The following TRAM2 variants were observed in gnomAD, a reference collection of about 807,000 sequenced individuals.
TRAM2 encodes the protein translocation associated membrane protein 2, also known as translocating chain-associated membrane protein 2.
TRAM2 carries 12 observed loss-of-function variants against 51.0 expected under a neutral mutation model. The ratio of observed to expected loss-of-function variants is 0.24; its 90% CI spans 0.15 to 0.38. TRAM2 has a LOEUF of 0.38. Among genes scored for constraint, TRAM2 ranks in the 10% least tolerant of loss-of-function variants. The pLI is 1.00. For missense variants in TRAM2, 361 were observed against 462.0 expected, an observed-to-expected ratio of 0.78 and a Z score of 2.00; for synonymous variants, 175 against 179.4, an observed-to-expected ratio of 0.98 and a Z score of 0.20.
At chr6:52,506,714 C>T (rs769588371) in intron 7 of TRAM2, among the ~76,000 whole-genome samples, 1 of 152,178 alleles carries the variant, frequency 6.6e-6, no homozygotes, top group Non-Finnish European at 1.5e-5. Context: ...TGGCATCACC[C>T]CACAGCCTTC....
intron 10 of TRAM2, among the ~76,000 whole-genome samples, 195 bp downstream of exon 10, chr6:52,504,396 A>C (rs1581866255): frequency 6.6e-6 from 1 of 152,118 alleles, no homozygotes; most frequent in East Asian, 1.9e-4. Context: ...CCCCACCCAC[A>C]GCCTGTCCCT....
At chr6:52,524,021 ATATT>A (rs1231707290) in intron 2 of TRAM2, 3 of 152,262 alleles carry the variant, frequency 2.0e-5, no homozygotes, top group Non-Finnish European at 4.4e-5. Flanking sequence ...AATTTAAAAA[ATATT>A]TATGTAAGCA....
At chr6:52,545,347 G>T (rs1233619040) in intron 1 of TRAM2, among the ~76,000 whole-genome samples, 1 of 152,212 alleles carries the variant, frequency 6.6e-6, no homozygotes, top group African/African-American at 2.4e-5. Flanking sequence ...CCCACCCGAG[G>T]CCCATTAAGT....
At chr6:52,507,149 C>T (rs926232305) in intron 7 of TRAM2, among the ~76,000 whole-genome samples, 4 of 152,198 alleles carry the variant, frequency 2.6e-5, no homozygotes, top group South Asian at 2.1e-4. Context: ...TCCAGGGCTA[C>T]GAGCTCTAGC....
At chr6:52,527,482 T>G (rs1299982135) in intron 2 of TRAM2, among the ~76,000 whole-genome samples, 2 of 25,554 alleles carry the variant, frequency 7.8e-5, no homozygotes, top group Non-Finnish European at 1.5e-4. Context: ...AGTAAAGATG[T>G]GGGGTGGGGT....
In TRAM2 at chr6:52,504,645, G is replaced by T. The variant is rs1304952977; in HGVS notation, c.985C>A (p.Arg329=). 1 of 1,613,808 alleles carries T rather than the reference G, an allele frequency of 6.2e-7. No individual in the cohort carries two copies. Among genetic ancestry groups the T allele is most frequent in the African/African-American group, 1.3e-5 (1 of 74,930 alleles). Residue 329 remains arginine (R), a synonymous_variant, in exon 10 of 11, where the codon CGG becomes AGG. Transcript: ENST00000182527. ...REYWNEQSAK[R]RVPATPRLPA... ...AGTCTGGGTGTGGCTGGGACTCTCC[G>T]CTTTGCACTCTGCTCATTCCAGTAT...
At chr6:52,503,999 G>A (rs577544794) in intron 10 of TRAM2, among the ~76,000 whole-genome samples, 4 of 152,294 alleles carry the variant, frequency 2.6e-5, no homozygotes, top group Non-Finnish European at 5.9e-5. Context: ...AGCGCCCAGT[G>A]CAGACAGGCC....
At chr6:52,504,082 G>A (rs765135108) in intron 10 of TRAM2, among the ~76,000 whole-genome samples, 71 of 152,310 alleles carry the variant, frequency 4.7e-4, no homozygotes, top group Non-Finnish European at 7.2e-4. Flanking sequence ...ACTGGAGTGC[G>A]TGCACGGGCC....
Position 52,509,803 on chromosome 6 carries a change from C to T in TRAM2, c.412-217G>A, listed in dbSNP as rs114458182. Among the ~76,000 whole-genome samples, 224 of 152,270 alleles carry T rather than the reference C, an allele frequency of 1.5e-3. 1 individual carries two copies. The highest frequency in any genetic ancestry group is 5.2e-3 in the African/African-American group (214 of 41,544). On this transcript the variant is annotated intron_variant, in intron 4 of 10. Transcript: ENST00000182527. ...AGTCATGCTGGAGTAGGAAGGGCCA[C>T]GCTCTGAGGTCCAACGACCCATATC...
intron 1 of TRAM2, among the ~76,000 whole-genome samples, chr6:52,537,858 C>A (rs1210310937): frequency 6.6e-6 from 1 of 152,140 alleles, no homozygotes; most frequent in Non-Finnish European, 1.5e-5. Flanking sequence ...TGTACTTATT[C>A]CCCCTCTGTC....
chr6:52,541,236 C>T (rs1767075685), intron 1 of TRAM2, among the ~76,000 whole-genome samples: 1 of 152,192 alleles, frequency 6.6e-6, no homozygotes, highest in South Asian at 2.1e-4. Context: ...TTAATAACGA[C>T]AACAACAGTT....
intron 1 of TRAM2, among the ~76,000 whole-genome samples, chr6:52,554,061 C>T (rs1581698215): frequency 6.6e-6 from 1 of 152,154 alleles, no homozygotes; most frequent in East Asian, 1.9e-4. Flanking sequence ...CGCCCCAGCA[C>T]ACCATCTGCC....
At chr6:52,548,711 G>A (rs961444280) in intron 1 of TRAM2, among the ~76,000 whole-genome samples, 1 of 152,238 alleles carries the variant, frequency 6.6e-6, no homozygotes, top group African/African-American at 2.4e-5. Flanking sequence ...CTACCTGAAC[G>A]ATGTGCCTAA....
intron 5 of TRAM2, among the ~76,000 whole-genome samples, chr6:52,509,152 A>G (rs1766403655): frequency 6.6e-6 from 1 of 152,220 alleles, no homozygotes; most frequent in South Asian, 2.1e-4. Flanking sequence ...TATGAGGCAG[A>G]GGACACTGGC....
chr6:52,506,497 G>A (rs553147847), intron 7 of TRAM2, among the ~76,000 whole-genome samples: 17 of 152,178 alleles, frequency 1.1e-4, no homozygotes, highest in Non-Finnish European at 1.0e-4. Context: ...TCTGAGTATA[G>A]GAATATGAAA....
At chr6:52,551,607 C>A (rs1412748641) in intron 1 of TRAM2, among the ~76,000 whole-genome samples, 3 of 152,234 alleles carry the variant, frequency 2.0e-5, no homozygotes, top group African/African-American at 4.8e-5. Context: ...GTCTGCCAAG[C>A]TTCCCTGGCC....
chr6:52,559,131 T>C (rs2114102569), intron 1 of TRAM2, among the ~76,000 whole-genome samples: 1 of 152,340 alleles, frequency 6.6e-6, no homozygotes, highest in Non-Finnish European at 1.5e-5. Flanking sequence ...TTATATGCTC[T>C]GTGAATCTCC....
Position 52,577,019 on chromosome 6 carries a change from G to T in TRAM2, c.-104C>A. The T allele has an allele frequency of 7.8e-7, 1 of 1,274,760 alleles. No individual in the cohort carries two copies. The allele number at this position is 1,274,760 out of a possible 1,614,324, so 79.0% of individuals were successfully genotyped here. ...CGGTCCGCCCGCCGGCCCGCCGCCC[G>T]CTCTCCCACAGCCGCTCGCCCGCCC... is the stretch of plus-strand genomic sequence containing the variant. On this transcript the variant is annotated 5_prime_UTR_variant, in exon 1 of 11. Transcript: ENST00000182527.
At chr6:52,541,848 A>G (rs1282214663) in intron 1 of TRAM2, among the ~76,000 whole-genome samples, 1 of 148,872 alleles carries the variant, frequency 6.7e-6, no homozygotes, top group Admixed American at 6.7e-5. Context: ...GGCACTTGGA[A>G]GGGGCTGTGT....
Sources: gnomAD v4.1 joint callset for allele counts (sites outside exome capture counted in the v4.1 genomes callset) on GRCh38, gnomAD v4.1.1 for gene constraint, MANE v1.5 for transcripts, NCBI Gene and HGNC (gene_info 2026-07-23, HGNC 2026-07-21) for gene names.